BRINP1: variants seen among roughly 807,000 people sequenced by gnomAD.
BRINP1 encodes BMP/retinoic acid-inducible neural-specific protein 1.
BRINP1 carries 17 observed loss-of-function variants against 72.9 expected under a neutral mutation model. The observed-to-expected ratio is 0.23, with a 90% confidence interval of 0.16 to 0.35. The LOEUF (loss-of-function observed/expected upper bound fraction) is 0.35. BRINP1 is among the 10% of genes least tolerant of loss of function. The pLI is 1.00. For missense variants in BRINP1, 850 were observed against 1,001.6 expected (o/e 0.85, Z 2.04); for synonymous variants, 418 against 378.5 (o/e 1.10, Z -1.21).
intron 1 of BRINP1, among the ~76,000 whole-genome samples, chr9:119,313,700 T>A (rs1886372): frequency 6.6e-6 from 1 of 151,958 alleles, no homozygotes; most frequent in African/African-American, 2.4e-5. Flanking sequence ...TTCTTGGAAG[T>A]AAAACTGAGG....
chr9:119,319,401 A>G (rs113840712), intron 1 of BRINP1, among the ~76,000 whole-genome samples: 20 of 152,358 alleles, frequency 1.3e-4, no homozygotes, highest in African/African-American at 4.6e-4. Flanking sequence ...GCAGAGCACC[A>G]GAAATGAAAA....
At chr9:119,188,096 C>T (rs1829643623) in intron 7 of BRINP1, among the ~76,000 whole-genome samples, 1 of 152,068 alleles carries the variant, frequency 6.6e-6, no homozygotes. Flanking sequence ...CAAGTACTTA[C>T]ATGATGAGTG....
intron 7 of BRINP1, among the ~76,000 whole-genome samples, chr9:119,205,183 A>G (rs1829840592): frequency 6.6e-6 from 1 of 152,282 alleles, no homozygotes; most frequent in Non-Finnish European, 1.5e-5. Context: ...AGCGGCCCAC[A>G]GCCCGTCCAA....
chr9:119,341,930 AT>A (rs1253858786), intron 1 of BRINP1, among the ~76,000 whole-genome samples: 7 of 151,176 alleles, frequency 4.6e-5, no homozygotes, highest in East Asian at 2.0e-4. Flanking sequence ...CACTCAGCTA[AT>A]TTTTTTTTGT....
chr9:119,243,542 G>A (rs1051946096), intron 3 of BRINP1, among the ~76,000 whole-genome samples: 2 of 152,164 alleles, frequency 1.3e-5, no homozygotes, highest in African/African-American at 4.8e-5. Flanking sequence ...GTAATAGAAT[G>A]ATTTATATTC....
At position 119,167,499 on chromosome 9, in the gene BRINP1, C is replaced by T. The variant is rs371855071; in HGVS notation, c.1871G>A (p.Arg624Gln). ...CTCATTTCGCAGTAGGGTAGGTAGC[C>T]GAGTCCGACTACGTAGGTAGATGTG... ...TVHIYLRSRT[R>Q]LPTLLRNETG... The change falls in exon 8 of 8, where the codon CGG becomes CAG. Residue 624 changes from arginine to glutamine, a missense_variant. Coordinates refer to ENST00000265922, the MANE Select transcript of BRINP1 (RefSeq NM_014618.3). The surrounding 1 kb of genome is among the most constrained non-coding windows in gnomAD (Gnocchi z 4.3). 12 of 1,613,974 alleles carry T rather than the reference C, an allele frequency of 7.4e-6. No homozygotes were observed. Among genetic ancestry groups the T allele is most frequent in the East Asian group, 4.5e-5 (2 of 44,884 alleles).
At position 119,233,383 on chromosome 9, in the gene BRINP1, A is replaced by G. The variant is rs999495331; in HGVS notation, c.685+5272T>C. Reference sequence around the variant, plus strand: ...TATAATAAATACAATTATAAAATAAAAACAAGTTAAAAATATACATAAATA... The same window carrying G: ...TATAATAAATACAATTATAAAATAAGAACAAGTTAAAAATATACATAAATA... On this transcript the variant is annotated intron_variant, in intron 5 of 7. Coordinates refer to ENST00000265922, the MANE Select transcript of BRINP1 (RefSeq NM_014618.3). 5.3e-5 allele frequency among the ~76,000 whole-genome samples: 8 copies of G among 152,316 alleles called. No homozygotes were observed. The East Asian group carries it at 1.5e-3, about 29-fold the overall frequency.
intron 1 of BRINP1, among the ~76,000 whole-genome samples, chr9:119,313,937 G>A (rs1004762498): frequency 2.0e-5 from 3 of 152,146 alleles, no homozygotes; most frequent in Non-Finnish European, 4.4e-5. Flanking sequence ...CTCTCAGCAG[G>A]CATGTATCCA....
At chr9:119,172,044 T>C (rs1196683021) in intron 7 of BRINP1, among the ~76,000 whole-genome samples, 3 of 136,086 alleles carry the variant, frequency 2.2e-5, no homozygotes, top group African/African-American at 3.1e-5. Context: ...AGATCCAAAA[T>C]TGACACCCTA....
chr9:119,240,372 C>A (rs1830234889), intron 4 of BRINP1, among the ~76,000 whole-genome samples: 1 of 152,118 alleles, frequency 6.6e-6, no homozygotes, highest in Non-Finnish European at 1.5e-5. Flanking sequence ...ATCCAAGGGC[C>A]AAATTAAGTG....
intron 7 of BRINP1, among the ~76,000 whole-genome samples, chr9:119,205,681 G>A (rs1038613826): frequency 6.6e-6 from 1 of 152,046 alleles, no homozygotes; most frequent in Non-Finnish European, 1.5e-5. Flanking sequence ...ATCCTCTCGA[G>A]TCTTCCCTTG....
At chr9:119,304,270 T>C (rs1830972152) in intron 2 of BRINP1, among the ~76,000 whole-genome samples, 1 of 152,198 alleles carries the variant, frequency 6.6e-6, no homozygotes, top group Non-Finnish European at 1.5e-5. Flanking sequence ...GAGGCTCACA[T>C]GGTTTAAGCA....
intron 7 of BRINP1, among the ~76,000 whole-genome samples, chr9:119,195,940 G>C (rs920528702): frequency 2.6e-5 from 4 of 152,112 alleles, no homozygotes; most frequent in African/African-American, 9.7e-5. Flanking sequence ...ACTTCAAAAA[G>C]AAAGATTTTA....
chr9:119,168,311 G>A, intron 7 of BRINP1, 87 bp from the exon 8 acceptor site: 1 of 1,126,932 alleles, frequency 8.9e-7, no homozygotes, highest in Non-Finnish European at 1.2e-6. Flanking sequence ...GCGAACTGGA[G>A]CTGCCAAAAA....
chr9:119,264,061 A>C (rs1406873157), intron 2 of BRINP1, among the ~76,000 whole-genome samples: 1 of 152,196 alleles, frequency 6.6e-6, no homozygotes, highest in Non-Finnish European at 1.5e-5. Flanking sequence ...AAGTTACCTT[A>C]GGACTCTGTT....
At chr9:119,297,430 TTG>T (rs1830892369) in intron 2 of BRINP1, among the ~76,000 whole-genome samples, 1 of 151,888 alleles carries the variant, frequency 6.6e-6, no homozygotes, top group Non-Finnish European at 1.5e-5. Flanking sequence ...CAAATCAGAG[TTG>T]TGTGACTTCC....
intron 7 of BRINP1, among the ~76,000 whole-genome samples, chr9:119,196,317 A>G (rs1829737108): frequency 6.6e-6 from 1 of 152,184 alleles, no homozygotes; most frequent in Admixed American, 6.5e-5. Flanking sequence ...GGTGATGCCA[A>G]TCCCAGTTTG....
intron 2 of BRINP1, among the ~76,000 whole-genome samples, chr9:119,286,975 G>A (rs549652205): frequency 4.0e-5 from 6 of 151,596 alleles, no homozygotes; most frequent in African/African-American, 7.3e-5. Context: ...GGTTGGCTGC[G>A]TTTGTATTTT....
At chr9:119,325,518 C>A (rs1234194694) in intron 1 of BRINP1, among the ~76,000 whole-genome samples, 1 of 152,200 alleles carries the variant, frequency 6.6e-6, no homozygotes, top group African/African-American at 2.4e-5. Context: ...TCTCTCTAAA[C>A]CTCAGAGCAA....
Sources: gnomAD v4.1 joint callset for allele counts (sites outside exome capture counted in the v4.1 genomes callset) on GRCh38, gnomAD v4.1.1 for gene constraint, Gnocchi (gnomAD v3.1) non-coding constraint, MANE v1.5 for transcripts, NCBI Gene and HGNC (gene_info 2026-07-23, HGNC 2026-07-21) for gene names.